The following EPHA5 variants were observed in gnomAD, a reference collection of about 807,000 sequenced individuals.
The protein encoded by EPHA5 is ephrin type-A receptor 5.
A neutral mutation model predicts 105.0 loss-of-function variants in EPHA5; 60 were observed. That is an observed-to-expected ratio of 0.57 (90% CI 0.46 to 0.71). EPHA5 has a LOEUF of 0.71. Ranked by LOEUF, EPHA5 falls within the 30% of genes least tolerant of loss-of-function variation. The pLI is 0.00. For missense variants in EPHA5, 1,218 were observed against 1,274.7 expected, an observed-to-expected ratio of 0.96 and a Z score of 0.68; for synonymous variants, 513 against 449.1, an observed-to-expected ratio of 1.14 and a Z score of -1.80.
chr4:65,608,195 T>C (rs1385678771), intron 2 of EPHA5, among the ~76,000 whole-genome samples: 1 of 152,080 alleles, frequency 6.6e-6, no homozygotes, highest in African/African-American at 2.4e-5. Context: ...GAGCTTAAAG[T>C]ATTTTAAAAA....
At chr4:65,374,352 C>G (rs1442536747) in intron 8 of EPHA5, among the ~76,000 whole-genome samples, 1 of 151,782 alleles carries the variant, frequency 6.6e-6, no homozygotes, top group African/African-American at 2.4e-5. Flanking sequence ...CACAACAAAG[C>G]AAGCAGGCAA....
Position 65,580,298 on chromosome 4 carries a change from C to T in EPHA5, c.910+21343G>A, listed in dbSNP as rs567893322. Reference sequence around the variant, plus strand: ...TACAGAATTAATACAAACAAACCTACAGAGCCAATAAAATTCTAATTAACA... The same window carrying T: ...TACAGAATTAATACAAACAAACCTATAGAGCCAATAAAATTCTAATTAACA... On this transcript the variant is annotated intron_variant, in intron 3 of 16. Coordinates refer to ENST00000613740, the MANE Select transcript of EPHA5 (RefSeq NM_001281766.3). 4.6e-5 allele frequency among the ~76,000 whole-genome samples: 7 copies of T among 151,958 alleles called. No homozygotes were observed. The South Asian group carries it at 1.2e-3, about 27-fold the overall frequency.
At chr4:65,328,991 T>A (rs2148790488) in intron 16 of EPHA5, among the ~76,000 whole-genome samples, 1 of 151,382 alleles carries the variant, frequency 6.6e-6, no homozygotes, top group Admixed American at 6.6e-5. Flanking sequence ...TGACACACAA[T>A]TGGTATAATA....
At chr4:65,584,945 G>A (rs1022036138) in intron 3 of EPHA5, among the ~76,000 whole-genome samples, 2 of 151,854 alleles carry the variant, frequency 1.3e-5, no homozygotes, top group African/African-American at 2.4e-5. Flanking sequence ...AATTAGGAGA[G>A]AGGAAATGCT....
At chr4:65,427,112 A>C (rs1054179418) in intron 5 of EPHA5, among the ~76,000 whole-genome samples, 1 of 151,962 alleles carries the variant, frequency 6.6e-6, no homozygotes, top group Admixed American at 6.6e-5. Flanking sequence ...ACCCACACAC[A>C]ATTTCATATT....
At chr4:65,643,227 T>C in intron 2 of EPHA5, 136 bp downstream of exon 2, 1 of 613,650 alleles carries the variant, frequency 1.6e-6, no homozygotes, top group Non-Finnish European at 2.8e-6. Flanking sequence ...TGAAGTCCCC[T>C]CACCCCATCC....
chr4:65,538,765 G>A (rs1267221149), intron 3 of EPHA5, among the ~76,000 whole-genome samples: 1 of 151,636 alleles, frequency 6.6e-6, no homozygotes, highest in Non-Finnish European at 1.5e-5. Context: ...AACTTGGGCA[G>A]ATTGGATATG....
At chr4:65,477,374 C>T (rs929408104) in intron 5 of EPHA5, among the ~76,000 whole-genome samples, 8 of 151,964 alleles carry the variant, frequency 5.3e-5, no homozygotes, top group Non-Finnish European at 8.8e-5. Context: ...GATCTGTGAC[C>T]TTGGGGGAAT....
intron 3 of EPHA5, among the ~76,000 whole-genome samples, chr4:65,507,787 A>G (rs1733206271): frequency 6.6e-6 from 1 of 152,010 alleles, no homozygotes; most frequent in South Asian, 2.1e-4. Context: ...GGTTTTATAG[A>G]TATACAATCG....
intron 5 of EPHA5, among the ~76,000 whole-genome samples, chr4:65,485,495 T>C (rs1349181401): frequency 6.6e-6 from 1 of 152,186 alleles, no homozygotes; most frequent in African/African-American, 2.4e-5. Context: ...AGCTTGATTA[T>C]TACATGCAAA....
intron 3 of EPHA5, among the ~76,000 whole-genome samples, chr4:65,582,351 G>A (rs927555006): frequency 2.0e-5 from 3 of 151,298 alleles, no homozygotes; most frequent in Non-Finnish European, 4.4e-5. Context: ...GAACTATGAC[G>A]AGGGAAACTG....
At chr4:65,515,098 T>A (rs1362386796) in intron 3 of EPHA5, among the ~76,000 whole-genome samples, 1 of 152,172 alleles carries the variant, frequency 6.6e-6, no homozygotes, top group Non-Finnish European at 1.5e-5. Flanking sequence ...ACTTGTCAAC[T>A]CTCCATGTTC....
At chr4:65,346,536 C>A (rs1171997593) in intron 14 of EPHA5, among the ~76,000 whole-genome samples, 1 of 151,968 alleles carries the variant, frequency 6.6e-6, no homozygotes, top group Non-Finnish European at 1.5e-5. Context: ...GTTGGGGTTT[C>A]ATTTTGTCTT....
At chr4:65,573,854 A>C (rs529047479) in intron 3 of EPHA5, 13 of 1,612,882 alleles carry the variant, frequency 8.1e-6, no homozygotes, top group East Asian at 2.2e-5. Context: ...GCAAAAAAAA[A>C]CCCTTCAGTC....
intron 2 of EPHA5, among the ~76,000 whole-genome samples, chr4:65,621,926 G>A (rs573813418): frequency 2.0e-5 from 3 of 152,160 alleles, no homozygotes; most frequent in Middle Eastern, 3.4e-3. Flanking sequence ...AGCTGCATTC[G>A]TCATGAACAT....
chr4:65,597,873 T>C (rs1743338755), intron 3 of EPHA5, among the ~76,000 whole-genome samples: 4 of 152,128 alleles, frequency 2.6e-5, no homozygotes, highest in African/African-American at 9.7e-5. Flanking sequence ...ATTGAGGCCA[T>C]ATGTTAATGA....
At chr4:65,581,521 G>A (rs1004462157) in intron 3 of EPHA5, among the ~76,000 whole-genome samples, 1 of 151,486 alleles carries the variant, frequency 6.6e-6, no homozygotes, top group African/African-American at 2.4e-5. Flanking sequence ...TTGAAACATG[G>A]GTCCTTATTT....
intron 5 of EPHA5, among the ~76,000 whole-genome samples, chr4:65,436,850 T>C (rs977780345): frequency 1.4e-4 from 21 of 152,128 alleles, no homozygotes; most frequent in Non-Finnish European, 2.2e-4. Context: ...AAAGTCTTTT[T>C]CCCCCCTTTA....
chr4:65,354,808 A>T (rs1182182417), intron 11 of EPHA5, among the ~76,000 whole-genome samples: 1 of 151,742 alleles, frequency 6.6e-6, no homozygotes, highest in Non-Finnish European at 1.5e-5. Flanking sequence ...GTCCCATATC[A>T]CTTAAAACTC....
Sources: allele counts gnomAD v4.1 joint callset (sites outside exome capture counted in the v4.1 genomes callset), GRCh38; gene constraint gnomAD v4.1.1; transcripts MANE v1.5; gene names NCBI Gene and HGNC (gene_info 2026-07-23, HGNC 2026-07-21).